The following RBM25 variants were observed in gnomAD, a reference collection of about 807,000 sequenced individuals.
RBM25 encodes RNA binding motif protein 25, also known as RNA-binding protein 25.
RBM25 carries 19 observed loss-of-function variants against 120.7 expected under a neutral mutation model. The ratio of observed to expected loss-of-function variants is 0.16; its 90% CI spans 0.11 to 0.23. RBM25 has a LOEUF of 0.23. Among genes scored for constraint, RBM25 ranks in the 10% least tolerant of loss-of-function variants. RBM25 has a pLI of 1.00. For missense variants in RBM25, 605 were observed against 1,041.5 expected (o/e 0.58, Z 5.77); for synonymous variants, 390 against 326.7 (o/e 1.19, Z -2.09).
chr14:73,084,853 A>AT (rs146980815), intron 5 of RBM25, among the ~76,000 whole-genome samples: 11,723 of 142,400 alleles, frequency 0.082, 553 homozygotes, highest in South Asian at 0.2. Flanking sequence ...CCTGGCCGCT[A>AT]TTTTTTTTTT....
At chr14:73,103,528 C>A (rs752159883) in intron 10 of RBM25, 50 bp downstream of exon 10, 6 of 1,524,874 alleles carry the variant, frequency 3.9e-6, no homozygotes, top group Non-Finnish European at 5.3e-6. Context: ...AGAAAACTAT[C>A]GGGTAGTCCT....
At chr14:73,095,207 A>G (rs1201904330) in intron 6 of RBM25, among the ~76,000 whole-genome samples, 1 of 152,176 alleles carries the variant, frequency 6.6e-6, no homozygotes, top group Non-Finnish European at 1.5e-5. Flanking sequence ...TATCTGTGTC[A>G]TAACCCATCT....
chr14:73,112,146 T>C lies in RBM25; in HGVS notation c.2293-6T>C. 2 of 1,595,808 alleles carry C rather than the reference T, an allele frequency of 1.3e-6. No individual in the cohort carries two copies. The highest frequency in any genetic ancestry group is 1.7e-6 in the Non-Finnish European group (2 of 1,173,544). ...TTTAATTCAGTAACCGTGGTTTGTT[T>C]TGCAGATACTGATGGAACGTCGAAT... On this transcript the variant is annotated splice_region_variant and splice_polypyrimidine_tract_variant and intron_variant, in intron 16 of 18. Transcript: ENST00000261973.
At chr14:73,105,126 C>CTTTTTTTTTTTTTTTTTTTTTTTTT (rs34862161) in intron 10 of RBM25, among the ~76,000 whole-genome samples, 1 of 109,564 alleles carries the variant, frequency 9.1e-6, no homozygotes, top group African/African-American at 3.8e-5. Context: ...GGTTTTATTA[C>CTTTTTTTTTTTTTTTTTTTTTTTTT]TTTTTTTTTT....
intron 6 of RBM25, among the ~76,000 whole-genome samples, chr14:73,092,644 A>G (rs1223299666): frequency 1.3e-5 from 2 of 151,016 alleles, no homozygotes; most frequent in African/African-American, 2.4e-5. Context: ...ACGTATATAT[A>G]CATGTGCCAT....
Position 73,106,365 on chromosome 14 carries a change from ATAAT to A in RBM25, c.1467+82_1467+85del. The A allele has an allele frequency of 7.4e-6, 8 of 1,081,264 alleles. No individual in the cohort carries two copies. In the East Asian group the frequency reaches 2.0e-4, roughly 28 times the overall value. The allele number at this position is 1,081,264 out of a possible 1,614,324, so 67.0% of individuals were successfully genotyped here. A position where few individuals can be genotyped will look rare whatever the true frequency, so the allele number is the denominator to read the frequency against. On this transcript the variant is annotated intron_variant, in intron 12 of 18. Transcript: ENST00000261973. The stretch of plus-strand genomic sequence containing the variant: ...TTTACTGCTAACTACAAGTAACTTA[ATAAT>A]TGAAATGCACAAGCTTCTCTATTCA...
intron 5 of RBM25, among the ~76,000 whole-genome samples, 165 bp downstream of exon 5, chr14:73,083,716 A>C (rs1895617822): frequency 6.6e-6 from 1 of 152,060 alleles, no homozygotes; most frequent in Non-Finnish European, 1.5e-5. Context: ...GTTTGGGAAA[A>C]TATTGGCTGA....
chr14:73,121,809 A>G lies in RBM25; in HGVS notation c.*2004A>G, dbSNP rs1055925628. The G allele has an allele frequency of 7.9e-5, 12 of 152,224 alleles. No homozygotes were observed. The highest frequency in any genetic ancestry group is 2.4e-4 in the African/African-American group (10 of 41,448). The allele number at this position is 152,224 out of a possible 1,614,324, so 9.4% of individuals were successfully genotyped here. On this transcript the variant is annotated 3_prime_UTR_variant, in exon 19 of 19. Coordinates refer to ENST00000261973, the MANE Select transcript of RBM25 (RefSeq NM_021239.3). ...TAAAGGGCCACTCTAAAAACAAGGGAGATGTCGTAATCTGAAACCTTTGGG... is the reference window on the plus strand; with the variant it reads ...TAAAGGGCCACTCTAAAAACAAGGGGGATGTCGTAATCTGAAACCTTTGGG...
chr14:73,061,818 G>A (rs912909715), intron 1 of RBM25, among the ~76,000 whole-genome samples: 2 of 151,300 alleles, frequency 1.3e-5, no homozygotes, highest in Non-Finnish European at 3.0e-5. Context: ...CACCTGCCTC[G>A]TCCTCCCAAA....
intron 6 of RBM25, among the ~76,000 whole-genome samples, chr14:73,089,006 G>A (rs979347340): frequency 3.9e-5 from 6 of 152,102 alleles, no homozygotes; most frequent in African/African-American, 1.4e-4. Context: ...GCCTAGCGTT[G>A]TGGTGGGTGC....
At position 73,103,932 on chromosome 14, in the gene RBM25, TCTCTCTCTCTCTCTCTCA is replaced by T. The variant is rs1339583529; in HGVS notation, c.1154+456_1154+473del. Among the ~76,000 whole-genome samples, 217 of 83,512 alleles carry T rather than the reference TCTCTCTCTCTCTCTCTCA, an allele frequency of 2.6e-3. 1 individual carries two copies. Among genetic ancestry groups the T allele is most frequent in the African/African-American group, 6.5e-3 (118 of 18,262 alleles). 54.8% of individuals were successfully genotyped at this position (83,512 alleles called of 152,430 possible). A position where few individuals can be genotyped will look rare whatever the true frequency, so the allele number is the denominator to read the frequency against. ...CTCTCTCTCTCTCTCTCTCTCTCTC[TCTCTCTCTCTCTCTCTCA>T]CACACACACACACACACACACACAC... On this transcript the variant is annotated intron_variant, in intron 10 of 18. Transcript: ENST00000261973.
chr14:73,110,532 G>A (rs992082391), intron 14 of RBM25, among the ~76,000 whole-genome samples: 1 of 151,434 alleles, frequency 6.6e-6, no homozygotes, highest in Admixed American at 6.6e-5. Flanking sequence ...AGGTTCAAGC[G>A]ATTCTCCTGC....
intron 1 of RBM25, among the ~76,000 whole-genome samples, chr14:73,065,857 G>C (rs979396260): frequency 2.0e-5 from 3 of 149,270 alleles, no homozygotes; most frequent in African/African-American, 7.8e-5. Context: ...CCCTGACCGA[G>C]AGTTTTAGTT....
rs577498224 is a variant in RBM25, at chr14:73,087,270, A to G, written c.383-731A>G. 2.0e-5 allele frequency among the ~76,000 whole-genome samples: 3 copies of G among 152,324 alleles called. No individual in the cohort carries two copies. The South Asian group carries it at 6.2e-4, about 32-fold the overall frequency. ...TAAGTAAAATAGACTGGTAACTAGG[A>G]TACAAATTCTGTAATTTAACATCTC... is the stretch of plus-strand genomic sequence containing the variant. On this transcript the variant is annotated intron_variant, in intron 5 of 18. Transcript: ENST00000261973.
chr14:73,071,240 CAAA>C (rs11325196), intron 1 of RBM25, among the ~76,000 whole-genome samples: 36 of 108,804 alleles, frequency 3.3e-4, no homozygotes, highest in African/African-American at 5.2e-4. Context: ...GACTCTGTCT[CAAA>C]AAAAAAAAAA....
At chr14:73,064,963 T>G (rs560273413) in intron 1 of RBM25, 1 of 151,046 alleles carries the variant, frequency 6.6e-6, no homozygotes, top group Admixed American at 6.6e-5. Flanking sequence ...ACTTTTTTTT[T>G]TTTTTTAGAC....
rs971680821 is a variant in RBM25 at position 73,058,623 on chromosome 14, G to A, written c.-98G>A. The A allele has an allele frequency of 6.6e-6, 1 of 152,162 alleles. No homozygotes were observed. The highest frequency in any genetic ancestry group is 2.4e-5 in the African/African-American group (1 of 41,432). The allele number at this position is 152,162 out of a possible 1,614,324, so 9.4% of individuals were successfully genotyped here. The stretch of plus-strand genomic sequence containing the variant: ...CACTCAGTCTCCCTGGCGAGCGACG[G>A]GCAGAAATCTCGAACCAGTGGAGCG... On this transcript the variant is annotated 5_prime_UTR_variant, in exon 1 of 19. Coordinates refer to ENST00000261973, the MANE Select transcript of RBM25 (RefSeq NM_021239.3).
At chr14:73,084,057 C>T (rs1274993656) in intron 5 of RBM25, among the ~76,000 whole-genome samples, 1 of 151,940 alleles carries the variant, frequency 6.6e-6, no homozygotes, top group Non-Finnish European at 1.5e-5. Context: ...GCCACCATGC[C>T]CGGCTAATTT....
chr14:73,115,066 G>A (rs1594938073), intron 18 of RBM25, among the ~76,000 whole-genome samples: 1 of 152,060 alleles, frequency 6.6e-6, no homozygotes, highest in East Asian at 1.9e-4. Flanking sequence ...TATGTAGAAA[G>A]GATAATGGAG....
Sources: allele counts gnomAD v4.1 joint callset (sites outside exome capture counted in the v4.1 genomes callset), GRCh38; gene constraint gnomAD v4.1.1; transcripts MANE v1.5; gene names NCBI Gene and HGNC (gene_info 2026-07-23, HGNC 2026-07-21).